Variants in ZNF512 observed in about 807,000 individuals in gnomAD.
The protein encoded by ZNF512 is zinc finger protein 512.
A neutral mutation model predicts 77.5 loss-of-function variants in ZNF512; 25 were observed. The ratio of observed to expected loss-of-function variants is 0.32; its 90% CI spans 0.23 to 0.45. The LOEUF is 0.45. ZNF512 is among the 20% of genes least tolerant of loss of function. The pLI is 1.00. For synonymous variants in ZNF512, 246 were observed against 239.9 expected, an observed-to-expected ratio of 1.03 and a Z score of -0.24; for missense variants, 483 against 692.6, an observed-to-expected ratio of 0.70 and a Z score of 3.40.
At position 27,621,363 on chromosome 2, in the gene ZNF512, G is replaced by C; in HGVS notation, c.1606G>C (p.Val536Leu). ...GAGGAGGAATAATGAGGAACTGGTAGTGTCAGCCTCCTGTAAGGAACCAGA... is the reference window on the plus strand; with the variant it reads ...GAGGAGGAATAATGAGGAACTGGTACTGTCAGCCTCCTGTAAGGAACCAGA... ...DQRRNNEELV[V>L]SASCKEPEQE... The change falls in exon 14 of 14, where the codon GTG (valine) becomes CTG (leucine). Residue 536 changes from valine to leucine, a missense_variant. Transcript: ENST00000355467. The C allele has an allele frequency of 1.9e-6, 3 of 1,614,156 alleles. No individual in the cohort carries two copies. The highest frequency in any genetic ancestry group is 2.5e-6 in the Non-Finnish European group (3 of 1,180,020).
chr2:27,587,668 T>G (rs755101067), intron 2 of ZNF512, among the ~76,000 whole-genome samples: 15 of 151,356 alleles, frequency 9.9e-5, no homozygotes, highest in Non-Finnish European at 1.9e-4. Context: ...TTTTTGCATC[T>G]GTTCATATTC....
At chr2:27,607,492 C>T (rs1572925825) in intron 9 of ZNF512, among the ~76,000 whole-genome samples, 2 of 151,954 alleles carry the variant, frequency 1.3e-5, no homozygotes, top group African/African-American at 2.4e-5. Context: ...CTCAGCCTCC[C>T]GAGTAGCTGG....
chr2:27,606,294 A>AT (rs1389029160), intron 9 of ZNF512, among the ~76,000 whole-genome samples: 5 of 130,328 alleles, frequency 3.8e-5, no homozygotes, highest in Admixed American at 1.6e-4. Context: ...TAGTTTATGT[A>AT]TTTTTTCATT....
chr2:27,604,125 C>T (rs1166417329), intron 9 of ZNF512, among the ~76,000 whole-genome samples: 1 of 151,352 alleles, frequency 6.6e-6, no homozygotes, highest in Non-Finnish European at 1.5e-5. Flanking sequence ...CGGGGTTTCA[C>T]CATGTTGGCC....
At position 27,600,778 on chromosome 2, in the gene ZNF512, T is replaced by C; in HGVS notation, c.545T>C (p.Ile182Thr). 6.2e-7 allele frequency: 1 copy of C among 1,613,846 alleles called. No homozygotes were observed. The highest frequency in any genetic ancestry group is 8.5e-7 in the Non-Finnish European group (1 of 1,179,902). ...PTCQAVGRKT[I>T]EGLKKHMENC... ...TGCCAGGCAGTGGGGAGGAAGACCA[T>C]AGAGGGTTTAAAGAAACACATGGAA... Residue 182 changes from isoleucine to threonine, a missense_variant, in exon 6 of 14, where the codon ATA (isoleucine) becomes ACA (threonine). Ile to Thr is a moderately conservative substitution (Grantham distance 89). Around this residue, in one of 2 missense-constraint regions of ZNF512, gnomAD observed 324 missense variants for 525.0 expected, o/e 0.62. Transcript: ENST00000355467.
In ZNF512 at chr2:27,598,123, ATG is replaced by A. The variant is rs1348224076; in HGVS notation, c.147_148del (p.Asp49GlufsTer13). On this transcript the variant is annotated frameshift_variant, in exon 3 of 14. Transcript: ENST00000355467. LOFTEE classifies it high-confidence loss of function. The stretch of plus-strand genomic sequence containing the variant: ...AGTTTCCAGTACACTATCCCTCATG[ATG>A]ACTCCTTAAGTGGTTCATCGTCTGC... 1 of 1,613,626 alleles carries A rather than the reference ATG, an allele frequency of 6.2e-7. No homozygotes were observed. The highest frequency in any genetic ancestry group is 8.5e-7 in the Non-Finnish European group (1 of 1,179,586).
chr2:27,583,185 G>T, intron 1 of ZNF512, 43 bp downstream of exon 1: 1 of 1,614,092 alleles, frequency 6.2e-7, no homozygotes, highest in African/African-American at 1.3e-5. Context: ...AGGTAGCGCT[G>T]TCGAGCCCGG....
Position 27,616,308 on chromosome 2 carries a change from T to A in ZNF512, c.1280T>A (p.Leu427Gln). 6.2e-7 allele frequency: 1 copy of A among 1,613,938 alleles called. No individual in the cohort carries two copies. The highest frequency in any genetic ancestry group is 8.5e-7 in the Non-Finnish European group (1 of 1,179,766). The change falls in exon 12 of 14, where the codon CTG (leucine) becomes CAG (glutamine). Residue 427 changes from leucine (L) to glutamine (Q), a missense_variant. By Grantham distance (113) the Leu-to-Gln change is moderately radical (BLOSUM62 -2). Around this residue, in one of 2 missense-constraint regions of ZNF512, gnomAD observed 324 missense variants for 525.0 expected, o/e 0.62. Coordinates refer to ENST00000355467, the MANE Select transcript of ZNF512 (RefSeq NM_032434.4). Reference protein sequence around the residue: ...YSSVSGLKAHLGSCTLGNFVA... With the variant: ...YSSVSGLKAHQGSCTLGNFVA... Reference sequence around the variant, plus strand: ...AGTGTATCTGGCCTTAAAGCTCACCTGGGCTCTTGTACATTGGTTTGTAAC... The same window carrying A: ...AGTGTATCTGGCCTTAAAGCTCACCAGGGCTCTTGTACATTGGTTTGTAAC...
Position 27,588,260 on chromosome 2 carries a change from G to T in ZNF512, c.89+4544G>T, listed in dbSNP as rs567396655. ...TTAAGAAACCTTTGCCTCCCTGGAG[G>T]TCGTAGCGAGTCAAGGTGGTGCCAC... is the stretch of plus-strand genomic sequence containing the variant. On this transcript the variant is annotated intron_variant, in intron 2 of 13. Transcript: ENST00000355467. Among the ~76,000 whole-genome samples, 4 of 152,012 alleles carry T rather than the reference G, an allele frequency of 2.6e-5. No homozygotes were observed. The South Asian group carries it at 8.3e-4, about 32-fold the overall frequency.
At position 27,622,119 on chromosome 2, in the gene ZNF512, A is replaced by G. The variant is rs1673145355; in HGVS notation, c.*658A>G. Reference sequence around the variant, plus strand: ...AGTAGCAGTGACTAGACCCACAGACATGAAAAGCAACCTTAGGAGTAAAGT... The same window carrying G: ...AGTAGCAGTGACTAGACCCACAGACGTGAAAAGCAACCTTAGGAGTAAAGT... On this transcript the variant is annotated 3_prime_UTR_variant, in exon 14 of 14. Coordinates refer to ENST00000355467, the MANE Select transcript of ZNF512 (RefSeq NM_032434.4). 2 of 152,430 alleles carry G rather than the reference A, an allele frequency of 1.3e-5. No homozygotes were observed. The highest frequency in any genetic ancestry group is 6.5e-5 in the Admixed American group (1 of 15,284). 9.4% of individuals were successfully genotyped at this position (152,430 alleles called of 1,614,324 possible).
Position 27,599,975 on chromosome 2 carries a change from A to G in ZNF512, c.379A>G (p.Lys127Glu), listed in dbSNP as rs758991757. 6.2e-7 allele frequency: 1 copy of G among 1,614,104 alleles called. No homozygotes were observed. ...AAGTTTCTGTCTTATGTCAGGGAGG[A>G]AGCAACGGCCTAAAACTCAGCCCAA... ...PQKKHKLYGR[K>E]QRPKTQPNPK... The change falls in exon 5 of 14, where the codon AAG (lysine) becomes GAG (glutamate). Residue 127 changes from lysine to glutamate, a missense_variant. Transcript: ENST00000355467.
At chr2:27,596,648 GT>G (rs1230546647) in intron 2 of ZNF512, among the ~76,000 whole-genome samples, 1 of 152,198 alleles carries the variant, frequency 6.6e-6, no homozygotes, top group African/African-American at 2.4e-5. Context: ...ACTTGTTTTT[GT>G]TTGTTTTACA....
chr2:27,591,329 A>G (rs1671571024), intron 2 of ZNF512, among the ~76,000 whole-genome samples: 1 of 152,228 alleles, frequency 6.6e-6, no homozygotes, highest in Non-Finnish European at 1.5e-5. Flanking sequence ...TGGGATATCC[A>G]TCCCCTCAAG....
At chr2:27,597,764 A>G (rs1448828369) in intron 2 of ZNF512, among the ~76,000 whole-genome samples, 2 of 152,166 alleles carry the variant, frequency 1.3e-5, no homozygotes, top group African/African-American at 2.4e-5. Context: ...GGGTCATAGA[A>G]CACCTTTATT....
In ZNF512 at chr2:27,607,806, C is replaced by CT. The variant is rs1558473213; in HGVS notation, c.937-37dup. ...TAATCACTGGCTGTGATGGATGCCA[C>CT]TTATCAGGCCTGTGTTTTGCTGTGT... On this transcript the variant is annotated intron_variant, in intron 9 of 13. Transcript: ENST00000355467. 9 of 1,604,522 alleles carry CT rather than the reference C, an allele frequency of 5.6e-6. No individual in the cohort carries two copies. In the Middle Eastern group the frequency reaches 6.9e-4, roughly 123 times the overall value.
intron 8 of ZNF512, 124 bp from the exon 9 acceptor site, chr2:27,603,016 G>A: frequency 9.4e-7 from 1 of 1,061,424 alleles, no homozygotes; most frequent in Non-Finnish European, 1.4e-6. Context: ...TGTTGGAGAG[G>A]GTCTACTGAA....
chr2:27,585,722 A>T (rs1439844936), intron 2 of ZNF512, among the ~76,000 whole-genome samples: 2 of 152,242 alleles, frequency 1.3e-5, no homozygotes, highest in Non-Finnish European at 2.9e-5. Flanking sequence ...TTGGTAGATC[A>T]GAAAGGAGTT....
At chr2:27,593,535 C>A (rs998483404) in intron 2 of ZNF512, among the ~76,000 whole-genome samples, 24 of 152,076 alleles carry the variant, frequency 1.6e-4, no homozygotes, top group Non-Finnish European at 2.4e-4. Context: ...GTGAGAGGAT[C>A]ACTTGAGCCA....
intron 8 of ZNF512, 36 bp from the exon 9 acceptor site, chr2:27,603,104 G>A (rs779854707): frequency 3.1e-6 from 5 of 1,607,292 alleles, no homozygotes; most frequent in Non-Finnish European, 4.3e-6. Flanking sequence ...GTCAAAAGAT[G>A]TAAGATTATA....
Sources: gnomAD v4.1 joint callset for allele counts (sites outside exome capture counted in the v4.1 genomes callset) on GRCh38, gnomAD v4.1.1 for gene constraint, gnomAD v4.1.1 regional missense constraint, MANE v1.5 for transcripts, NCBI Gene and HGNC (gene_info 2026-07-23, HGNC 2026-07-21) for gene names.